Variants in PCDHGA7 observed in about 807,000 individuals in gnomAD.
PCDHGA7 encodes the protein protocadherin gamma-A7.
A neutral mutation model predicts 58.3 loss-of-function variants in PCDHGA7; 44 were observed. The ratio of observed to expected loss-of-function variants is 0.75; its 90% CI spans 0.59 to 0.97. PCDHGA7 has a LOEUF of 0.97. PCDHGA7 is among the 50% of genes least tolerant of loss of function. The pLI is 0.00. For synonymous variants in PCDHGA7, 516 were observed against 504.2 expected, an observed-to-expected ratio of 1.02 and a Z score of -0.31; for missense variants, 1,266 against 1,188.7, an observed-to-expected ratio of 1.06 and a Z score of -0.96.
At chr5:141,439,739 G>A (rs867225156) in intron 1 of PCDHGA7, 4 of 152,312 alleles carry the variant, frequency 2.6e-5, no homozygotes, top group Non-Finnish European at 5.9e-5. Flanking sequence ...GGAACGGAAC[G>A]GATTTACAGG....
At chr5:141,447,275 G>C (rs2098532748) in intron 1 of PCDHGA7, among the ~76,000 whole-genome samples, 1 of 152,154 alleles carries the variant, frequency 6.6e-6, no homozygotes, top group African/African-American at 2.4e-5. Flanking sequence ...AAGTAGCTGG[G>C]ACTACAGGCA....
Position 141,410,397 on chromosome 5 carries a change from G to T in PCDHGA7, c.2424+25074G>T, listed in dbSNP as rs1338071222. Reference sequence around the variant, plus strand: ...TGGGACTGCTTCCATCCTGGTCTCTGTGTCAAGTCTGGACCTGTAGTTCCC... The same window carrying T: ...TGGGACTGCTTCCATCCTGGTCTCTTTGTCAAGTCTGGACCTGTAGTTCCC... On this transcript the variant is annotated intron_variant, in intron 1 of 3. Coordinates refer to ENST00000518325, the MANE Select transcript of PCDHGA7 (RefSeq NM_018920.4). The T allele has an allele frequency of 3.7e-6, 6 of 1,613,930 alleles. No homozygotes were observed. The African/African-American group carries it at 8.0e-5, about 22-fold the overall frequency.
At chr5:141,460,991 A>G (rs889917939) in intron 1 of PCDHGA7, among the ~76,000 whole-genome samples, 39 of 141,522 alleles carry the variant, frequency 2.8e-4, no homozygotes, top group East Asian at 1.0e-3. Flanking sequence ...GTGTATATAT[A>G]TATATGTGTA....
chr5:141,399,745 G>A (rs1472441281), intron 1 of PCDHGA7: 2 of 1,613,194 alleles, frequency 1.2e-6, no homozygotes, highest in African/African-American at 2.7e-5. Flanking sequence ...TGCGCTCAGC[G>A]CAAACGTGAG....
intron 1 of PCDHGA7, among the ~76,000 whole-genome samples, chr5:141,420,701 T>C (rs371823252): frequency 7.2e-5 from 11 of 152,226 alleles, no homozygotes; most frequent in Admixed American, 5.9e-4. Flanking sequence ...TATTTCCACT[T>C]CCAGAAATGT....
At chr5:141,400,802 A>C in intron 1 of PCDHGA7, 1 of 557,534 alleles carries the variant, frequency 1.8e-6, no homozygotes, top group Non-Finnish European at 3.1e-6. Context: ...TCTCAAAGCT[A>C]ATGAATTTTA....
chr5:141,399,639 C>A lies in PCDHGA7; in HGVS notation c.2424+14316C>A, dbSNP rs1405309490. On this transcript the variant is annotated intron_variant, in intron 1 of 3. Transcript: ENST00000518325. ...CACTGGCCTCTTACGTGTCCATGAG[C>A]GCGCAAAGTGGGGTGGTGTTCGCGC... 5 of 1,613,858 alleles carry A rather than the reference C, an allele frequency of 3.1e-6. No individual in the cohort carries two copies. The highest frequency in any genetic ancestry group is 3.4e-6 in the Non-Finnish European group (4 of 1,179,886).
At chr5:141,422,850 G>T (rs184432819) in intron 1 of PCDHGA7, 7 of 1,614,086 alleles carry the variant, frequency 4.3e-6, no homozygotes, top group Non-Finnish European at 5.9e-6. Context: ...GCGGGGACCC[G>T]CCCCTCAGCA....
rs188827871 is a variant in PCDHGA7, at chr5:141,405,107, T to G, written c.2424+19784T>G. 137 of 1,613,998 alleles carry G rather than the reference T, an allele frequency of 8.5e-5. No homozygotes were observed. The Middle Eastern group carries it at 1.3e-3, about 16-fold the overall frequency. On this transcript the variant is annotated intron_variant, in intron 1 of 3. Coordinates refer to ENST00000518325, the MANE Select transcript of PCDHGA7 (RefSeq NM_018920.4). ...GCTGCTGGCCCTCAGGCTGAGGCAC[T>G]GGCACTCCTCGCATCTGCTGCGGGC...
At chr5:141,474,888 G>T (rs1349812637) in intron 1 of PCDHGA7, among the ~76,000 whole-genome samples, 1 of 152,176 alleles carries the variant, frequency 6.6e-6, no homozygotes, top group Non-Finnish European at 1.5e-5. Context: ...ACTCTTAGAG[G>T]TTCATTTCTT....
In PCDHGA7 at chr5:141,393,936, G is replaced by A. The variant is rs766829273; in HGVS notation, c.2424+8613G>A. On this transcript the variant is annotated intron_variant, in intron 1 of 3. Transcript: ENST00000518325. ...TGCCTTCTTGAGTGTGCATGACCAA[G>A]ACTCTGGAAAGAATGGTCAAGTTGT... 3 of 1,613,922 alleles carry A rather than the reference G, an allele frequency of 1.9e-6. No homozygotes were observed. In the Admixed American group the frequency reaches 5.0e-5, roughly 27 times the overall value.
At chr5:141,500,473 T>C (rs911171031) in intron 2 of PCDHGA7, among the ~76,000 whole-genome samples, 10 of 152,132 alleles carry the variant, frequency 6.6e-5, no homozygotes, top group Admixed American at 4.6e-4. Flanking sequence ...CCTCCCAAAG[T>C]GCTGGGATTA....
intron 1 of PCDHGA7, among the ~76,000 whole-genome samples, chr5:141,483,522 C>G (rs557644901): frequency 9.3e-6 from 1 of 107,172 alleles, no homozygotes; most frequent in African/African-American, 3.9e-5. Flanking sequence ...TAGATCCTGA[C>G]TAAGGAAGCT....
chr5:141,435,260 T>C (rs1591368331), intron 1 of PCDHGA7, among the ~76,000 whole-genome samples: 1 of 152,236 alleles, frequency 6.6e-6, no homozygotes, highest in African/African-American at 2.4e-5. Context: ...TAGGGATATG[T>C]CCATTTATAC....
rs1316659737 is a variant in PCDHGA7 at position 141,490,964 on chromosome 5, C to T, written c.2425-3843C>T. ...CCACGGCCAGACTGGGAACACTCAG[C>T]CCCCCAGCGTCTCCCTCGCTCTGCT... On this transcript the variant is annotated intron_variant, in intron 1 of 3. Transcript: ENST00000518325. The surrounding 1 kb of genome is among the most constrained non-coding windows in gnomAD (Gnocchi z 5.4). 2.5e-6 allele frequency: 4 copies of T among 1,613,608 alleles called. No homozygotes were observed. Among genetic ancestry groups the T allele is most frequent in the East Asian group, 2.2e-5 (1 of 44,882 alleles).
chr5:141,459,284 A>C (rs2098965103), intron 1 of PCDHGA7, among the ~76,000 whole-genome samples: 1 of 152,174 alleles, frequency 6.6e-6, no homozygotes, highest in African/African-American at 2.4e-5. Flanking sequence ...ATTTCATCTA[A>C]ATGGAATCCT....
chr5:141,404,490 T>A (rs748668164), intron 1 of PCDHGA7: 6 of 1,613,632 alleles, frequency 3.7e-6, no homozygotes, highest in Non-Finnish European at 5.1e-6. Flanking sequence ...GACACTGGTG[T>A]GCTGTATGCT....
At chr5:141,510,898 T>C in intron 3 of PCDHGA7, 49 bp from the exon 4 acceptor site, 1 of 1,613,278 alleles carries the variant, frequency 6.2e-7, no homozygotes, top group Non-Finnish European at 8.5e-7. Context: ...ACAGTGACTG[T>C]TGAGGACCCT....
At position 141,385,324 on chromosome 5, in the gene PCDHGA7, G is replaced by A. The variant is rs1781124607; in HGVS notation, c.2424+1G>A. 1.2e-6 allele frequency: 2 copies of A among 1,607,160 alleles called. No homozygotes were observed. Among genetic ancestry groups the A allele is most frequent in the Non-Finnish European group, 1.7e-6 (2 of 1,176,044 alleles). On this transcript the variant is annotated splice_donor_variant, in intron 1 of 3. Coordinates refer to ENST00000518325, the MANE Select transcript of PCDHGA7 (RefSeq NM_018920.4). LOFTEE classifies it high-confidence loss of function. Reference sequence around the variant, plus strand: ...TAAAGAAAACCTGCCAAGTATTCAGGTGAGCCCAGCCCTTCCTTTATTTCC... The same window carrying A: ...TAAAGAAAACCTGCCAAGTATTCAGATGAGCCCAGCCCTTCCTTTATTTCC...
Sources: gnomAD v4.1 joint callset for allele counts (sites outside exome capture counted in the v4.1 genomes callset) on GRCh38, gnomAD v4.1.1 for gene constraint, Gnocchi (gnomAD v3.1) non-coding constraint, MANE v1.5 for transcripts, NCBI Gene and HGNC (gene_info 2026-07-23, HGNC 2026-07-21) for gene names.